The following SWAP70 variants were observed in gnomAD, a reference collection of about 807,000 sequenced individuals.
SWAP70 encodes the protein switching B cell complex subunit SWAP70, also known as switch-associated protein 70.
A neutral mutation model predicts 80.2 loss-of-function variants in SWAP70; 34 were observed. The observed-to-expected ratio is 0.42, with a 90% CI of 0.32 to 0.56. SWAP70 has a LOEUF of 0.56. Among genes scored for constraint, SWAP70 ranks in the 20% least tolerant of loss-of-function variants. SWAP70 has a pLI of 0.09. For synonymous variants in SWAP70, 239 were observed against 238.5 expected (o/e 1.00, Z -0.02); for missense variants, 578 against 690.7 (o/e 0.84, Z 1.83).
intron 7 of SWAP70, 41 bp downstream of exon 7, chr11:9,732,751 C>T: frequency 3.3e-6 from 5 of 1,499,320 alleles, no homozygotes; most frequent in Non-Finnish European, 4.4e-6. Context: ...CCTTCATTCC[C>T]CTGCAGAAGC....
chr11:9,664,109 G>A lies in SWAP70; in HGVS notation c.-71G>A. ...TGCGCGGCGGGCTGTGGCTGCGGAG[G>A]TTGAGGGGCGTCCGAGGCGCGGAGG... On this transcript the variant is annotated 5_prime_UTR_variant, in exon 1 of 12. Transcript: ENST00000318950. The A allele has an allele frequency of 2.8e-6, 4 of 1,451,978 alleles. No individual in the cohort carries two copies. The highest frequency in any genetic ancestry group is 2.8e-5 in the East Asian group (1 of 36,260). 89.9% of individuals were successfully genotyped at this position (1,451,978 alleles called of 1,614,324 possible). A position where few individuals can be genotyped will look rare whatever the true frequency, so the allele number is the denominator to read the frequency against.
chr11:9,730,544 T>A (rs1305098231), intron 6 of SWAP70, among the ~76,000 whole-genome samples: 1 of 152,018 alleles, frequency 6.6e-6, no homozygotes, highest in Non-Finnish European at 1.5e-5. Context: ...TCTTAGAGAT[T>A]TTAGGTTTTA....
intron 10 of SWAP70, 84 bp from the exon 11 acceptor site, chr11:9,749,003 A>T (rs1211735833): frequency 4.1e-6 from 3 of 723,540 alleles, no homozygotes; most frequent in Non-Finnish European, 6.8e-6. Context: ...TAATTCACAA[A>T]TACATAGTAA....
chr11:9,674,297 C>T (rs1006817769), intron 1 of SWAP70, among the ~76,000 whole-genome samples: 1 of 152,096 alleles, frequency 6.6e-6, no homozygotes, highest in African/African-American at 2.4e-5. Context: ...TGGATGAAAA[C>T]CTATATATAT....
chr11:9,744,177 T>C (rs1277616036), intron 9 of SWAP70, among the ~76,000 whole-genome samples: 2 of 152,190 alleles, frequency 1.3e-5, no homozygotes, highest in Non-Finnish European at 2.9e-5. Flanking sequence ...TTAGCCGGGA[T>C]GGTCTTGATC....
chr11:9,677,353 A>C (rs1213600982), intron 1 of SWAP70, among the ~76,000 whole-genome samples: 5 of 152,084 alleles, frequency 3.3e-5, no homozygotes, highest in Non-Finnish European at 7.4e-5. Context: ...AAAAAAGGTT[A>C]TTATTTAAAC....
chr11:9,707,397 A>G (rs1395412852), intron 2 of SWAP70, among the ~76,000 whole-genome samples: 1 of 148,814 alleles, frequency 6.7e-6, no homozygotes, highest in Non-Finnish European at 1.5e-5. Flanking sequence ...TTCTATTATA[A>G]GTAGAATCAT....
intron 6 of SWAP70, among the ~76,000 whole-genome samples, chr11:9,732,054 G>A (rs360158): frequency 0.66 from 100,459 of 152,106 alleles, 33,655 homozygotes; most frequent in Middle Eastern, 0.78. Flanking sequence ...CATAAGGCAT[G>A]GATGATAGGC....
chr11:9,730,943 C>G (rs1851290548), intron 6 of SWAP70, among the ~76,000 whole-genome samples: 1 of 152,154 alleles, frequency 6.6e-6, no homozygotes, highest in Non-Finnish European at 1.5e-5. Context: ...TACCTCCCGT[C>G]CCAGTAGTCC....
intron 9 of SWAP70, among the ~76,000 whole-genome samples, chr11:9,743,318 A>G (rs1054708172): frequency 4.0e-5 from 6 of 151,404 alleles, no homozygotes; most frequent in African/African-American, 1.2e-4. Context: ...ATTTGGGTTG[A>G]TTCCAAGTCT....
At chr11:9,735,576 C>G (rs1387384387) in intron 7 of SWAP70, among the ~76,000 whole-genome samples, 3 of 152,192 alleles carry the variant, frequency 2.0e-5, no homozygotes, top group Non-Finnish European at 2.9e-5. Context: ...GAAATCCGGG[C>G]TGATGGACCA....
At position 9,694,157 on chromosome 11, in the gene SWAP70, T is replaced by C. The variant is rs1343469257; in HGVS notation, c.111T>C (p.His37=). 3.7e-6 allele frequency: 6 copies of C among 1,601,900 alleles called. No homozygotes were observed. The highest frequency in any genetic ancestry group is 1.9e-4 in the Middle Eastern group (1 of 5,260). Reference sequence around the variant, plus strand: ...CTTTTCCCTTGCAGGTCCTTTCCCATAACCTGTGCACGGTGCTGAAGGTTC... The same window carrying C: ...CTTTTCCCTTGCAGGTCCTTTCCCACAACCTGTGCACGGTGCTGAAGGTTC... ...VSKSQLKVLS[H]NLCTVLKVPH... The change falls in exon 2 of 12, where the codon CAT becomes CAC. Residue 37 remains histidine, a synonymous_variant. Coordinates refer to ENST00000318950, the MANE Select transcript of SWAP70 (RefSeq NM_015055.4).
intron 1 of SWAP70, among the ~76,000 whole-genome samples, chr11:9,687,702 T>C (rs1850649548): frequency 6.6e-6 from 1 of 152,202 alleles, no homozygotes. Context: ...TTGAGTTACT[T>C]TTCCTTAATC....
chr11:9,707,595 G>A (rs1399613131), intron 2 of SWAP70, among the ~76,000 whole-genome samples: 7 of 135,564 alleles, frequency 5.2e-5, no homozygotes, highest in Non-Finnish European at 9.2e-5. Context: ...TCACCCTGTC[G>A]CTCAGGCTGG....
intron 4 of SWAP70, among the ~76,000 whole-genome samples, chr11:9,727,499 A>ACAGGCATGAGC (rs143913128): frequency 0.069 from 10,501 of 152,134 alleles, 562 homozygotes; most frequent in East Asian, 0.17. Context: ...TGCTGGGATT[A>ACAGGCATGAGC]CAGGCATGAG....
chr11:9,721,027 G>C (rs1851127998), intron 3 of SWAP70, among the ~76,000 whole-genome samples: 1 of 152,300 alleles, frequency 6.6e-6, no homozygotes, highest in East Asian at 1.9e-4. Context: ...TGTTGGCCAG[G>C]CTGGTCTGGA....
At chr11:9,717,188 A>G (rs1328795453) in intron 3 of SWAP70, among the ~76,000 whole-genome samples, 4 of 152,192 alleles carry the variant, frequency 2.6e-5, no homozygotes, top group Admixed American at 2.0e-4. Flanking sequence ...TTAAAAAGGA[A>G]ATGAAAAATA....
chr11:9,697,899 C>T (rs1850779454), intron 2 of SWAP70, among the ~76,000 whole-genome samples: 1 of 152,072 alleles, frequency 6.6e-6, no homozygotes, highest in Admixed American at 6.6e-5. Context: ...GTCCTCTTGC[C>T]TCAGCCTCTT....
At chr11:9,715,186 C>G (rs1228561504) in intron 3 of SWAP70, among the ~76,000 whole-genome samples, 2 of 151,826 alleles carry the variant, frequency 1.3e-5, no homozygotes, top group Non-Finnish European at 2.9e-5. Flanking sequence ...GCCATGTTGC[C>G]CAGCCTGGTA....
Sources: allele counts gnomAD v4.1 joint callset (sites outside exome capture counted in the v4.1 genomes callset), GRCh38; gene constraint gnomAD v4.1.1; transcripts MANE v1.5; gene names NCBI Gene and HGNC (gene_info 2026-07-23, HGNC 2026-07-21).